The following TFR2 variants were observed in gnomAD, a reference collection of about 807,000 sequenced individuals.
The protein encoded by TFR2 is transferrin receptor 2.
In TFR2, 64 loss-of-function variants were observed where a neutral mutation model predicts 91.9. The ratio of observed to expected loss-of-function variants is 0.70; its 90% CI spans 0.57 to 0.86. TFR2 has a LOEUF of 0.86. TFR2 is among the 40% of genes least tolerant of loss of function. The pLI is 0.00. For missense variants in TFR2, 950 were observed against 1,080.5 expected (o/e 0.88, Z 1.69); for synonymous variants, 454 against 459.6 (o/e 0.99, Z 0.15).
chr7:100,626,012 G>A (rs1336286253), intron 17 of TFR2, among the ~76,000 whole-genome samples: 1 of 152,174 alleles, frequency 6.6e-6, no homozygotes, highest in Non-Finnish European at 1.5e-5. Context: ...GTGTGCACAA[G>A]TGGCTCTGTG....
chr7:100,641,363 G>T, intron 1 of TFR2, 114 bp downstream of exon 1: 2 of 1,471,286 alleles, frequency 1.4e-6, no homozygotes, highest in Non-Finnish European at 1.9e-6. Context: ...GGCAGGGGTG[G>T]GAAGAAGCGA....
At chr7:100,622,325 C>T (rs1357789480) in intron 17 of TFR2, among the ~76,000 whole-genome samples, 1 of 152,218 alleles carries the variant, frequency 6.6e-6, no homozygotes, top group African/African-American at 2.4e-5. Context: ...TGGAATCCTG[C>T]CCTCCAGCCA....
chr7:100,636,732 C>G (rs1803577575), intron 3 of TFR2, among the ~76,000 whole-genome samples: 1 of 151,964 alleles, frequency 6.6e-6, no homozygotes, highest in South Asian at 2.1e-4. Flanking sequence ...TGTCCTATAG[C>G]TCCACATGTA....
chr7:100,629,450 C>G, intron 9 of TFR2, 78 bp from the exon 10 acceptor site: 2 of 1,602,002 alleles, frequency 1.2e-6, no homozygotes, highest in Non-Finnish European at 1.7e-6. Context: ...GCCTGTGTCT[C>G]TCAGCCCATC....
chr7:100,632,269 A>C, intron 6 of TFR2, 71 bp from the exon 7 acceptor site: 1 of 1,377,968 alleles, frequency 7.3e-7, no homozygotes, highest in Non-Finnish European at 1.0e-6. Flanking sequence ...AGAAACCAGG[A>C]AATGGCAAGG....
chr7:100,641,339 G>T, intron 1 of TFR2, 111 bp from the exon 2 acceptor site: 2 of 1,444,206 alleles, frequency 1.4e-6, no homozygotes, highest in Non-Finnish European at 1.9e-6. Context: ...ATGGTGGTGG[G>T]GGCGTGGGGG....
At position 100,630,995 on chromosome 7, in the gene TFR2, AG is replaced by A. The variant is rs1422733588; in HGVS notation, c.1163del (p.Pro388LeufsTer12). ...GTCGTGGCCCGGGGCCCAGGTGATA[AG>A]GGGAGCCTAGGAGGCTCCCCTGCCA... is the stretch of plus-strand genomic sequence containing the variant. ...QEWQGSLLGSPYHLGPGPRLR... is the reference protein window; with the variant it reads ...QEWQGSLLGSXYHLGPGPRLR... On this transcript the variant is annotated frameshift_variant, in exon 9 of 18. Transcript: ENST00000223051. LOFTEE classifies it high-confidence loss of function. 1 of 1,580,920 alleles carries A rather than the reference AG, an allele frequency of 6.3e-7. No homozygotes were observed. The highest frequency in any genetic ancestry group is 2.3e-5 in the East Asian group (1 of 44,130).
intron 3 of TFR2, among the ~76,000 whole-genome samples, chr7:100,637,133 C>T (rs936113101): frequency 2.6e-5 from 4 of 152,254 alleles, no homozygotes; most frequent in African/African-American, 7.2e-5. Context: ...GGCGCAGTGG[C>T]TCACACCTGT....
chr7:100,635,571 A>G (rs984359046), intron 3 of TFR2, among the ~76,000 whole-genome samples: 2 of 151,636 alleles, frequency 1.3e-5, no homozygotes, highest in Non-Finnish European at 2.9e-5. Flanking sequence ...TCAGCCTCCC[A>G]AGTAGCTGGG....
In TFR2 at chr7:100,628,083, G is replaced by A. The variant is rs201943504; in HGVS notation, c.1527C>T (p.Asn509=). The A allele has an allele frequency of 7.4e-6, 12 of 1,614,130 alleles. No homozygotes were observed. The East Asian group carries it at 1.1e-4, about 15-fold the overall frequency. ...ACTGCCCCAGCTCACCCAGCACTGC[G>A]TTGTCCAGGCTCACGTACACTACGG... ...LKAVVYVSLD[N]AVLGDDKFHA... Residue 509 remains asparagine (N), a synonymous_variant, in exon 12 of 18, where the codon AAC becomes AAT. Coordinates refer to ENST00000223051, the MANE Select transcript of TFR2 (RefSeq NM_003227.4).
At chr7:100,626,543 C>T (rs1803255390) in intron 17 of TFR2, 5 of 1,395,010 alleles carry the variant, frequency 3.6e-6, no homozygotes, top group African/African-American at 1.5e-5. Context: ...GGCCAAGAGG[C>T]TGGCCCTCCC....
At chr7:100,622,809 T>G (rs979439793) in intron 17 of TFR2, among the ~76,000 whole-genome samples, 9 of 151,446 alleles carry the variant, frequency 5.9e-5, no homozygotes, top group Admixed American at 1.3e-4. Flanking sequence ...ATACAAAAAA[T>G]TTAGCCAGGT....
intron 16 of TFR2, 40 bp downstream of exon 16, chr7:100,627,224 C>T (rs1189076071): frequency 6.5e-7 from 1 of 1,539,956 alleles, no homozygotes. Context: ...GGCAGTGCCT[C>T]CCACTCCCAG....
intron 17 of TFR2, among the ~76,000 whole-genome samples, chr7:100,624,340 C>T (rs998164041): frequency 1.3e-5 from 2 of 152,160 alleles, no homozygotes; most frequent in Non-Finnish European, 2.9e-5. Context: ...GTCTCTCCAC[C>T]CTGAAATGTC....
At chr7:100,626,639 C>A in intron 17 of TFR2, 124 bp downstream of exon 17, 1 of 1,482,904 alleles carries the variant, frequency 6.7e-7, no homozygotes, top group Non-Finnish European at 9.0e-7. Flanking sequence ...AAGAGAGCAT[C>A]CAGAGGACCG....
In TFR2 at chr7:100,640,667, G is replaced by A. The variant is rs778823912; in HGVS notation, c.473+19C>T. ...GGGGAGGGACACTCGAGAACAGGATGGGGCAGGGCCATCCCTACCTGATGG... is the reference window on the plus strand; with the variant it reads ...GGGGAGGGACACTCGAGAACAGGATAGGGCAGGGCCATCCCTACCTGATGG... On this transcript the variant is annotated intron_variant, in intron 3 of 17. Coordinates refer to ENST00000223051, the MANE Select transcript of TFR2 (RefSeq NM_003227.4). 2.5e-6 allele frequency: 4 copies of A among 1,609,852 alleles called. No homozygotes were observed. Among genetic ancestry groups the A allele is most frequent in the South Asian group, 2.2e-5 (2 of 90,958 alleles).
intron 17 of TFR2, among the ~76,000 whole-genome samples, chr7:100,626,067 C>G (rs1455797604): frequency 1.3e-5 from 2 of 152,160 alleles, no homozygotes; most frequent in Non-Finnish European, 2.9e-5. Context: ...GAGGATGATC[C>G]TGTTTACTAT....
intron 10 of TFR2, among the ~76,000 whole-genome samples, 186 bp from the exon 11 acceptor site, chr7:100,628,492 C>T (rs987643698): frequency 2.6e-5 from 4 of 152,118 alleles, no homozygotes; most frequent in African/African-American, 4.8e-5. Flanking sequence ...CTTGACCTCT[C>T]AGGTTCAAGT....
rs1362582796 is a variant in TFR2 at position 100,629,073 on chromosome 7, T to C, written c.1390+180A>G. Among the ~76,000 whole-genome samples, 3 of 152,272 alleles carry C rather than the reference T, an allele frequency of 2.0e-5. No homozygotes were observed. In the East Asian group the frequency reaches 5.8e-4, roughly 29 times the overall value. ...CTACCGCACCCGGCCTCACTTTCAT[T>C]TTTAGGTGACGAAATAGAGGTGAAG... On this transcript the variant is annotated intron_variant, in intron 10 of 17. Coordinates refer to ENST00000223051, the MANE Select transcript of TFR2 (RefSeq NM_003227.4).
Sources: allele counts gnomAD v4.1 joint callset (sites outside exome capture counted in the v4.1 genomes callset), GRCh38; gene constraint gnomAD v4.1.1; transcripts MANE v1.5; gene names NCBI Gene and HGNC (gene_info 2026-07-23, HGNC 2026-07-21).